The following DDX10 variants were observed in gnomAD, a reference collection of about 807,000 sequenced individuals.
The protein encoded by DDX10 is probable ATP-dependent RNA helicase DDX10.
A neutral mutation model predicts 104.3 loss-of-function variants in DDX10; 74 were observed. The ratio of observed to expected loss-of-function variants is 0.71; its 90% CI spans 0.59 to 0.86. The LOEUF (loss-of-function observed/expected upper bound fraction) is 0.86, where lower values mean the gene tolerates loss of function less well. DDX10 is among the 40% of genes least tolerant of loss of function. The pLI, the probability that DDX10 is intolerant of heterozygous loss-of-function variation, is 0.00. For synonymous variants in DDX10, 351 were observed against 353.4 expected (o/e 0.99, Z 0.08); for missense variants, 952 against 1,040.0 (o/e 0.92, Z 1.16).
At chr11:108,831,511 G>GTGT (rs1862471544) in intron 13 of DDX10, among the ~76,000 whole-genome samples, 1 of 150,320 alleles carries the variant, frequency 6.7e-6, no homozygotes, top group Non-Finnish European at 1.5e-5. Context: ...ATTTTCTCCA[G>GTGT]TGTTGACTCT....
intron 16 of DDX10, among the ~76,000 whole-genome samples, chr11:108,864,092 G>C (rs1421562947): frequency 6.6e-6 from 1 of 152,170 alleles, no homozygotes; most frequent in African/African-American, 2.4e-5. Flanking sequence ...TTCTTGTGAA[G>C]ATAATACATG....
At chr11:108,814,208 T>A (rs1354077612) in intron 13 of DDX10, among the ~76,000 whole-genome samples, 2 of 152,160 alleles carry the variant, frequency 1.3e-5, no homozygotes, top group Non-Finnish European at 2.9e-5. Flanking sequence ...GGCTAAGAGA[T>A]GGTAGGTCTT....
At chr11:108,748,813 T>A (rs910845636) in intron 13 of DDX10, among the ~76,000 whole-genome samples, 2 of 152,180 alleles carry the variant, frequency 1.3e-5, no homozygotes, top group Non-Finnish European at 2.9e-5. Flanking sequence ...CCCAGGCAGC[T>A]GGGACTATAG....
chr11:108,726,277 C>T (rs773610309), intron 13 of DDX10, among the ~76,000 whole-genome samples: 1 of 151,944 alleles, frequency 6.6e-6, no homozygotes, highest in African/African-American at 2.4e-5. Context: ...AAAAGCTTGC[C>T]GATGACTTCA....
chr11:108,721,020 A>G (rs927950132), intron 12 of DDX10, among the ~76,000 whole-genome samples: 2 of 152,022 alleles, frequency 1.3e-5, no homozygotes, highest in Admixed American at 6.6e-5. Flanking sequence ...AGATAATCAT[A>G]CTTTGAATAT....
rs560116643 is a variant in DDX10, at chr11:108,698,574, A to G, written c.1223+4974A>G. Among the ~76,000 whole-genome samples, 4 of 152,230 alleles carry G rather than the reference A, an allele frequency of 2.6e-5. No homozygotes were observed. In the South Asian group the frequency reaches 8.3e-4, roughly 32 times the overall value. ...GTAGGAGTAGATAAGGAGGGCTGAT[A>G]TTTCTTAGGAGTCTATTTCCCAGGT... On this transcript the variant is annotated intron_variant, in intron 9 of 17. Coordinates refer to ENST00000322536, the MANE Select transcript of DDX10 (RefSeq NM_004398.4).
At chr11:108,894,557 A>C (rs1863415912) in intron 16 of DDX10, among the ~76,000 whole-genome samples, 1 of 152,082 alleles carries the variant, frequency 6.6e-6, no homozygotes, top group Non-Finnish European at 1.5e-5. Flanking sequence ...ATTTAAGAAA[A>C]TTATCATGGC....
At chr11:108,701,675 C>CTTTTT (rs55916940) in intron 9 of DDX10, among the ~76,000 whole-genome samples, 850 of 77,432 alleles carry the variant, frequency 0.011, 23 homozygotes, top group Admixed American at 0.022. Flanking sequence ...TTCTTCTTCT[C>CTTTTT]TTTTTTTTTT....
intron 16 of DDX10, among the ~76,000 whole-genome samples, chr11:108,906,853 T>C (rs1335976785): frequency 6.6e-6 from 1 of 152,204 alleles, no homozygotes; most frequent in African/African-American, 2.4e-5. Flanking sequence ...GAAGAATGAA[T>C]TTTGTGCAAA....
intron 13 of DDX10, among the ~76,000 whole-genome samples, chr11:108,738,871 C>T (rs1311265483): frequency 1.3e-5 from 2 of 152,142 alleles, no homozygotes; most frequent in African/African-American, 2.4e-5. Context: ...TGCATTGACT[C>T]CCCTGCCCCT....
chr11:108,687,410 A>C (rs1166670267), intron 6 of DDX10, among the ~76,000 whole-genome samples: 1 of 151,912 alleles, frequency 6.6e-6, no homozygotes, highest in Non-Finnish European at 1.5e-5. Context: ...CCTAGCCTGA[A>C]TTGATGCTCC....
chr11:108,725,389 C>T (rs2094304141), intron 13 of DDX10, among the ~76,000 whole-genome samples: 1 of 151,932 alleles, frequency 6.6e-6, no homozygotes, highest in African/African-American at 2.4e-5. Context: ...TGAGAAACTC[C>T]CCAGTTGTTT....
At chr11:108,759,001 A>G (rs2094347659) in intron 13 of DDX10, among the ~76,000 whole-genome samples, 1 of 151,994 alleles carries the variant, frequency 6.6e-6, no homozygotes, top group African/African-American at 2.4e-5. Context: ...CGAAAGGAAA[A>G]TGGGAAGTAG....
At chr11:108,807,573 A>G (rs1473205707) in intron 13 of DDX10, among the ~76,000 whole-genome samples, 1 of 152,232 alleles carries the variant, frequency 6.6e-6, no homozygotes, top group Non-Finnish European at 1.5e-5. Context: ...TCTAATAAAT[A>G]TGTGAATGAA....
At chr11:108,735,825 CCTT>C (rs1218692405) in intron 13 of DDX10, among the ~76,000 whole-genome samples, 1 of 152,056 alleles carries the variant, frequency 6.6e-6, no homozygotes, top group Non-Finnish European at 1.5e-5. Context: ...ATAATTCAGA[CCTT>C]CTTTGAACCT....
At chr11:108,681,498 T>G (rs1458464673) in intron 6 of DDX10, among the ~76,000 whole-genome samples, 1 of 152,194 alleles carries the variant, frequency 6.6e-6, no homozygotes, top group Non-Finnish European at 1.5e-5. Context: ...TGTTAGCTTT[T>G]CCACTTTAGT....
At chr11:108,864,536 G>T (rs1031398479) in intron 16 of DDX10, among the ~76,000 whole-genome samples, 4 of 152,054 alleles carry the variant, frequency 2.6e-5, no homozygotes, top group Non-Finnish European at 2.9e-5. Context: ...ACAGTGGCGT[G>T]ATCTTGGCTC....
intron 1 of DDX10, among the ~76,000 whole-genome samples, chr11:108,671,389 C>A (rs1197628877): frequency 6.6e-6 from 1 of 152,202 alleles, no homozygotes; most frequent in Non-Finnish European, 1.5e-5. Flanking sequence ...GTCTTGAACT[C>A]CTGACCCCAG....
chr11:108,899,222 GT>G (rs138000243), intron 16 of DDX10, among the ~76,000 whole-genome samples: 4,953 of 147,270 alleles, frequency 0.034, 247 homozygotes, highest in African/African-American at 0.11. Context: ...TCTTTATTGG[GT>G]TTTTTTTTTC....
Sources: allele counts gnomAD v4.1 joint callset (sites outside exome capture counted in the v4.1 genomes callset), GRCh38; gene constraint gnomAD v4.1.1; transcripts MANE v1.5; gene names NCBI Gene and HGNC (gene_info 2026-07-23, HGNC 2026-07-21).